The following LMBRD2 variants were observed in gnomAD, a reference collection of about 807,000 sequenced individuals.
LMBRD2 encodes the protein G protein-coupled receptor-associated protein LMBRD2.
LMBRD2 carries 55 observed loss-of-function variants against 94.4 expected under a neutral mutation model. That is an observed-to-expected ratio of 0.58 (90% CI 0.47 to 0.73). LMBRD2 has a LOEUF of 0.73. Ranked by LOEUF, LMBRD2 falls within the 30% of genes least tolerant of loss-of-function variation. LMBRD2 has a pLI of 0.00. For missense variants in LMBRD2, 640 were observed against 831.9 expected, an observed-to-expected ratio of 0.77 and a Z score of 2.84; for synonymous variants, 246 against 272.4, an observed-to-expected ratio of 0.90 and a Z score of 0.95.
Position 36,137,388 on chromosome 5 carries a change from GTGATGGAAAACCCTCC to G in LMBRD2, c.406_421del (p.Gly136LeufsTer8). On this transcript the variant is annotated frameshift_variant, in exon 5 of 18. Coordinates refer to ENST00000296603, the MANE Select transcript of LMBRD2 (RefSeq NM_001007527.2). LOFTEE classifies it high-confidence loss of function. ...AATTAGTGCAGTTTTGATCTTTCCA[GTGATGGAAAACCCTCC>G]TGATCTTGCATATGACTGCATAAAA... is the stretch of plus-strand genomic sequence containing the variant. The G allele has an allele frequency of 1.2e-6, 2 of 1,601,888 alleles. No homozygotes were observed. Among genetic ancestry groups the G allele is most frequent in the Non-Finnish European group, 1.7e-6 (2 of 1,171,510 alleles).
At chr5:36,134,294 G>A (rs555495833) in intron 6 of LMBRD2, among the ~76,000 whole-genome samples, 1 of 152,096 alleles carries the variant, frequency 6.6e-6, no homozygotes, top group East Asian at 1.9e-4. Flanking sequence ...CAAAGCCAAC[G>A]TAAAATTTTC....
chr5:36,137,969 T>C (rs1009381388), intron 4 of LMBRD2, among the ~76,000 whole-genome samples: 1 of 152,178 alleles, frequency 6.6e-6, no homozygotes, highest in African/African-American at 2.4e-5. Flanking sequence ...CATCAGTAGA[T>C]ACTCAACTGT....
Position 36,100,755 on chromosome 5 carries a change from C to T in LMBRD2, c.*3291G>A, listed in dbSNP as rs1243262188. On this transcript the variant is annotated 3_prime_UTR_variant, in exon 18 of 18. Coordinates refer to ENST00000296603, the MANE Select transcript of LMBRD2 (RefSeq NM_001007527.2). ...CAAGTAAGAAACTCACCTTACTAAA[C>T]AGGTGAATTATAATATGGAGAGTTT... 3 of 152,022 alleles carry T rather than the reference C, an allele frequency of 2.0e-5. No individual in the cohort carries two copies. The highest frequency in any genetic ancestry group is 4.4e-5 in the Non-Finnish European group (3 of 67,950). 9.4% of individuals were successfully genotyped at this position (152,022 alleles called of 1,614,324 possible). A position where few individuals can be genotyped will look rare whatever the true frequency, so the allele number is the denominator to read the frequency against.
Position 36,114,437 on chromosome 5 carries a change from C to T in LMBRD2, c.1627G>A (p.Ala543Thr). The T allele has an allele frequency of 6.4e-7, 1 of 1,556,130 alleles. No individual in the cohort carries two copies. Among genetic ancestry groups the T allele is most frequent in the Non-Finnish European group, 8.6e-7 (1 of 1,158,498 alleles). The change falls in exon 13 of 18, where the codon GCT becomes ACT. Residue 543 changes from alanine to threonine, a missense_variant. Physicochemically the swap from Ala to Thr is moderately conservative, Grantham distance 58 (BLOSUM62 0). Transcript: ENST00000296603. ...YPMLVVILCI[A>T]TYFSLGTRCL... The stretch of plus-strand genomic sequence containing the variant: ...TAAGTTTCTTACCTAAAATAAGTAG[C>T]AATGCAGAGAATTACCACCAACATA...
At chr5:36,121,407 A>G (rs2111871153) in intron 9 of LMBRD2, among the ~76,000 whole-genome samples, 1 of 152,318 alleles carries the variant, frequency 6.6e-6, no homozygotes, top group South Asian at 2.1e-4. Flanking sequence ...AATTTTTTTA[A>G]AATAAATAAG....
intron 10 of LMBRD2, among the ~76,000 whole-genome samples, chr5:36,116,881 T>A (rs540283836): frequency 4.9e-4 from 74 of 152,128 alleles, no homozygotes; most frequent in Middle Eastern, 3.4e-3. Context: ...TCACCATGTT[T>A]GCCAGGCTGG....
intron 6 of LMBRD2, among the ~76,000 whole-genome samples, chr5:36,129,935 G>A (rs946570632): frequency 1.1e-4 from 17 of 151,982 alleles, no homozygotes; most frequent in Non-Finnish European, 2.2e-4. Context: ...CTATCGCAAG[G>A]ACAAAAAAAC....
At chr5:36,134,347 A>T (rs1744220679) in intron 6 of LMBRD2, among the ~76,000 whole-genome samples, 2 of 152,166 alleles carry the variant, frequency 1.3e-5, no homozygotes, top group South Asian at 4.1e-4. Context: ...TCATTCATTT[A>T]AAAAATGGTT....
chr5:36,118,933 T>C (rs772802205), intron 9 of LMBRD2, among the ~76,000 whole-genome samples: 16 of 152,100 alleles, frequency 1.1e-4, no homozygotes, highest in Non-Finnish European at 5.9e-5. Context: ...GACCCCATGA[T>C]CCACCCACCT....
chr5:36,116,965 C>A (rs952125433), intron 10 of LMBRD2, among the ~76,000 whole-genome samples: 1 of 152,162 alleles, frequency 6.6e-6, no homozygotes, highest in South Asian at 2.1e-4. Context: ...TGAGCCACCA[C>A]GCCCAGCCTG....
chr5:36,106,410 C>A (rs1159105796), intron 16 of LMBRD2, among the ~76,000 whole-genome samples: 1 of 151,992 alleles, frequency 6.6e-6, no homozygotes, highest in Non-Finnish European at 1.5e-5. Flanking sequence ...ATGCTTTATA[C>A]TGCCATCAAA....
intron 6 of LMBRD2, among the ~76,000 whole-genome samples, chr5:36,127,228 A>G (rs1744027816): frequency 6.6e-6 from 1 of 152,264 alleles, no homozygotes; most frequent in Admixed American, 6.5e-5. Flanking sequence ...CCTCAAGTTT[A>G]TAAGTTTCCA....
chr5:36,104,186 G>C (rs1344726604), intron 17 of LMBRD2, 80 bp from the exon 18 acceptor site: 1 of 1,095,668 alleles, frequency 9.1e-7, no homozygotes, highest in African/African-American at 1.6e-5. Flanking sequence ...ACATTAAAAG[G>C]GAGTGGCCAT....
intron 10 of LMBRD2, among the ~76,000 whole-genome samples, chr5:36,116,849 G>A (rs1743757837): frequency 6.6e-6 from 1 of 151,776 alleles, no homozygotes; most frequent in Non-Finnish European, 1.5e-5. Flanking sequence ...GCTAATTTTT[G>A]TATTTTTAGT....
chr5:36,117,990 G>C, intron 9 of LMBRD2, 74 bp from the exon 10 acceptor site: 1 of 1,140,476 alleles, frequency 8.8e-7, no homozygotes, highest in Non-Finnish European at 1.2e-6. Flanking sequence ...TTTCAAAATA[G>C]CTCCTAATAA....
intron 6 of LMBRD2, among the ~76,000 whole-genome samples, chr5:36,127,245 C>A (rs941056872): frequency 4.6e-5 from 7 of 152,184 alleles, no homozygotes; most frequent in African/African-American, 1.7e-4. Flanking sequence ...TCCAGATATT[C>A]AGAAAAGCAG....
At chr5:36,118,094 T>G (rs1743801113) in intron 9 of LMBRD2, among the ~76,000 whole-genome samples, 178 bp from the exon 10 acceptor site, 1 of 152,182 alleles carries the variant, frequency 6.6e-6, no homozygotes, top group Admixed American at 6.5e-5. Context: ...TGGGACAAAC[T>G]GACATCATGT....
chr5:36,128,834 A>G, intron 6 of LMBRD2, among the ~76,000 whole-genome samples: 1 of 152,248 alleles, frequency 6.6e-6, no homozygotes, highest in Non-Finnish European at 1.5e-5. Flanking sequence ...AAGGAAACTC[A>G]ACAAAATTCA....
intron 6 of LMBRD2, among the ~76,000 whole-genome samples, chr5:36,129,176 A>C (rs955968351): frequency 2.0e-5 from 3 of 152,194 alleles, no homozygotes; most frequent in Non-Finnish European, 2.9e-5. Context: ...GTGAGAGATA[A>C]GGGTAGAAAG....
Sources: allele counts gnomAD v4.1 joint callset (sites outside exome capture counted in the v4.1 genomes callset), GRCh38; gene constraint gnomAD v4.1.1; transcripts MANE v1.5; gene names NCBI Gene and HGNC (gene_info 2026-07-23, HGNC 2026-07-21).